CEACAM19: variants seen among roughly 807,000 people sequenced by gnomAD.
CEACAM19 encodes the protein CEA cell adhesion molecule 19.
CEACAM19 carries 37 observed loss-of-function variants against 37.6 expected under a neutral mutation model. The ratio of observed to expected loss-of-function variants is 0.98; its 90% CI spans 0.76 to 1.29. The LOEUF is 1.29. CEACAM19 is among the 50% of genes most tolerant of loss of function. CEACAM19 has a pLI of 0.00. For missense variants in CEACAM19, 340 were observed against 375.6 expected, an observed-to-expected ratio of 0.91 and a Z score of 0.78; for synonymous variants, 140 against 149.8, an observed-to-expected ratio of 0.93 and a Z score of 0.48.
At chr19:44,675,086 TC>T (rs1465275985) in intron 2 of CEACAM19, among the ~76,000 whole-genome samples, 1 of 143,070 alleles carries the variant, frequency 7.0e-6, no homozygotes, top group Non-Finnish European at 1.5e-5. Context: ...GTTGGATCAT[TC>T]AGAGAACAGC....
rs1973954705 is a variant in CEACAM19 at position 44,676,549 on chromosome 19, A to G, written c.575+128A>G. ...TCAAATCTTGGAACTCCTGGGGTGA[A>G]AAGAATCTTTCTATCCTGTATTAAA... On this transcript the variant is annotated intron_variant, in intron 3 of 7. Transcript: ENST00000358777. 7 of 887,530 alleles carry G rather than the reference A, an allele frequency of 7.9e-6. No individual in the cohort carries two copies. The East Asian group carries it at 1.8e-4, about 22-fold the overall frequency. The allele number at this position is 887,530 out of a possible 1,614,324, so 55.0% of individuals were successfully genotyped here. A position where few individuals can be genotyped will look rare whatever the true frequency, so the allele number is the denominator to read the frequency against.
upstream of CEACAM19, chr19:44,666,938 T>G (rs1338206187): frequency 6.6e-6 from 1 of 151,836 alleles, no homozygotes; most frequent in Non-Finnish European, 1.5e-5. Context: ...GAGGTGGTGA[T>G]GCTTATCCCC....
In CEACAM19 at chr19:44,672,781, A is replaced by G; in HGVS notation, c.241A>G (p.Ile81Val). The G allele has an allele frequency of 2.5e-6, 4 of 1,582,894 alleles. No individual in the cohort carries two copies. The highest frequency in any genetic ancestry group is 2.7e-5 in the African/African-American group (2 of 73,966). The change falls in exon 2 of 8, where the codon ATC becomes GTC. Residue 81 changes from isoleucine to valine, a missense_variant. Transcript: ENST00000358777. ...CGGAGGCACGAGGCTATTTACCTAC[A>G]TCCCTGGGATACAACGGCCTCAGAG... ...TYGGTRLFTY[I>V]PGIQRPQRDG...
Position 44,672,691 on chromosome 19 carries a change from C to A in CEACAM19, c.151C>A (p.Leu51Met), listed in dbSNP as rs1973876843. 1 of 1,565,218 alleles carries A rather than the reference C, an allele frequency of 6.4e-7. No homozygotes were observed. The highest frequency in any genetic ancestry group is 1.4e-5 in the African/African-American group (1 of 73,042). ...EQPQKNQDLL[L>M]SVQGVPDTFQ... ...GCCTCAAAAGAACCAGGACCTTCTC[C>A]TGTCAGTCCAGGGTGTCCCAGACAC... The change falls in exon 2 of 8, where the codon CTG (leucine) becomes ATG (methionine). Residue 51 changes from leucine (L) to methionine (M), a missense_variant. Physicochemically the swap from Leu to Met is conservative, Grantham distance 15 (BLOSUM62 2). Coordinates refer to ENST00000358777, the MANE Select transcript of CEACAM19 (RefSeq NM_001127893.3).
chr19:44,671,935 G>A lies in CEACAM19; in HGVS notation c.4G>A (p.Glu2Lys), dbSNP rs762253121. Residue 2 changes from glutamate (E) to lysine (K), a missense_variant, in exon 1 of 8, where the codon GAG becomes AAG. Transcript: ENST00000358777. Reference sequence around the variant, plus strand: ...GGCATTTCCACAAGACGCCAAGATGGAGATTCCCATGGGGACCCAGGGCTG... The same window carrying A: ...GGCATTTCCACAAGACGCCAAGATGAAGATTCCCATGGGGACCCAGGGCTG... The part of the protein sequence containing the change: M[E>K]IPMGTQGCFS... 4 of 1,605,598 alleles carry A rather than the reference G, an allele frequency of 2.5e-6. No individual in the cohort carries two copies. Among genetic ancestry groups the A allele is most frequent in the South Asian group, 2.2e-5 (2 of 89,560 alleles).
chr19:44,667,639 TAATATATATTATATAGATATATAAATATA>T, upstream of CEACAM19, among the ~76,000 whole-genome samples: 1 of 86,988 alleles, frequency 1.1e-5, no homozygotes, highest in Non-Finnish European at 2.2e-5. Context: ...TATAAATATA[TAATATATATTATATAGATATATAAATATA>T]AATATATATT....
At chr19:44,668,306 TTATA>T (rs1374750312), upstream of CEACAM19, among the ~76,000 whole-genome samples, 6 of 77,500 alleles carry the variant, frequency 7.7e-5, no homozygotes, top group South Asian at 4.3e-4. Context: ...TATAATATGT[TTATA>T]TATTATTATA....
intron 6 of CEACAM19, among the ~76,000 whole-genome samples, chr19:44,681,799 A>G (rs1026656122): frequency 6.6e-6 from 1 of 151,988 alleles, no homozygotes; most frequent in South Asian, 2.1e-4. Context: ...GTGTGATGGC[A>G]CATGCCTGTA....
At chr19:44,667,905 A>G (rs1397550981), upstream of CEACAM19, among the ~76,000 whole-genome samples, 10 of 73,842 alleles carry the variant, frequency 1.4e-4, no homozygotes, top group African/African-American at 6.5e-4. Flanking sequence ...TATAATATAT[A>G]AAATATATAT....
rs184170111 is a variant in CEACAM19, at chr19:44,678,600, G to A, written c.576-253G>A. 962 of 311,750 alleles carry A rather than the reference G, an allele frequency of 3.1e-3. 11 individuals carry two copies. The highest frequency in any genetic ancestry group is 0.02 in the African/African-American group (904 of 45,828). 19.3% of individuals were successfully genotyped at this position (311,750 alleles called of 1,614,324 possible). A position where few individuals can be genotyped will look rare whatever the true frequency, so the allele number is the denominator to read the frequency against. On this transcript the variant is annotated intron_variant, in intron 3 of 7. Coordinates refer to ENST00000358777, the MANE Select transcript of CEACAM19 (RefSeq NM_001127893.3). ...TAATTTTTGTATTTTTAGTAGAGAC[G>A]GGGTTTCACCATGTTGGCCAGGATG...
rs1973863486 is a variant in CEACAM19, at chr19:44,671,987, G to A, written c.55+1G>A. 1.9e-6 allele frequency: 3 copies of A among 1,602,346 alleles called. No individual in the cohort carries two copies. Among genetic ancestry groups the A allele is most frequent in the African/African-American group, 2.7e-5 (2 of 74,776 alleles). On this transcript the variant is annotated splice_donor_variant, in intron 1 of 7. Transcript: ENST00000358777. LOFTEE classifies it high-confidence loss of function. ...TTCTCAAAGAGCCTCCTGCTCTCAG[G>A]TAAGGAGGAAATAGACCCTAAAGGC...
At chr19:44,678,225 G>A (rs111708718) in intron 3 of CEACAM19, 4,493 of 151,568 alleles carry the variant, frequency 0.03, 234 homozygotes, top group African/African-American at 0.1. Context: ...GCCTTAAGCG[G>A]TCCTTCTGCC....
chr19:44,682,549 C>A lies in CEACAM19; in HGVS notation c.793-18C>A. The A allele has an allele frequency of 1.3e-6, 2 of 1,590,212 alleles. No individual in the cohort carries two copies. Among genetic ancestry groups the A allele is most frequent in the African/African-American group, 1.3e-5 (1 of 74,496 alleles). On this transcript the variant is annotated intron_variant, in intron 6 of 7. Transcript: ENST00000358777. The stretch of plus-strand genomic sequence containing the variant: ...GGGGGGTGCCGAGCGCCCACTCACC[C>A]GTGTCCTTCCCTTGCAGCCCCTGCC...
intron 3 of CEACAM19, among the ~76,000 whole-genome samples, chr19:44,677,116 T>A (rs1469285553): frequency 6.6e-6 from 1 of 152,100 alleles, no homozygotes; most frequent in Non-Finnish European, 1.5e-5. Flanking sequence ...GTTTAGCCAT[T>A]CCTAGCAAGG....
chr19:44,671,604 T>A lies in CEACAM19; in HGVS notation c.-328T>A. On this transcript the variant is annotated 5_prime_UTR_variant, in exon 1 of 8. The change creates a premature stop within an existing upstream ORF in the 5' untranslated region. Coordinates refer to ENST00000358777, the MANE Select transcript of CEACAM19 (RefSeq NM_001127893.3). ...AGGGGAATTGTTCAAACAGAGGCTG[T>A]TATGACTATTGCTACAGTGACTGCT... is the stretch of plus-strand genomic sequence containing the variant. 7.0e-6 allele frequency: 3 copies of A among 426,918 alleles called. No homozygotes were observed. Among genetic ancestry groups the A allele is most frequent in the Non-Finnish European group, 1.2e-5 (3 of 241,536 alleles). 26.4% of individuals were successfully genotyped at this position (426,918 alleles called of 1,614,324 possible).
Position 44,683,458 on chromosome 19 carries a change from G to A in CEACAM19, c.868G>A (p.Ala290Thr). ...QYQDLLNPDP[A>T]PYCQLVPTS ...GCAGGACCTGCTAAACCCCGACCCTGCCCCCTACTGCCAGCTGGTGCCAAC... is the reference window on the plus strand; with the variant it reads ...GCAGGACCTGCTAAACCCCGACCCTACCCCCTACTGCCAGCTGGTGCCAAC... The change falls in exon 8 of 8, where the codon GCC becomes ACC. Residue 290 changes from alanine (A) to threonine (T), a missense_variant. Physicochemically the swap from Ala to Thr is moderately conservative, Grantham distance 58. Transcript: ENST00000358777. 3 of 1,562,930 alleles carry A rather than the reference G, an allele frequency of 1.9e-6. No homozygotes were observed. The highest frequency in any genetic ancestry group is 2.6e-6 in the Non-Finnish European group (3 of 1,151,574).
At chr19:44,666,960 G>C (rs988517482), upstream of CEACAM19, 1 of 151,726 alleles carries the variant, frequency 6.6e-6, no homozygotes, top group Non-Finnish European at 1.5e-5. Context: ...TTCTCCAGGG[G>C]AGGAGGCTGA....
rs776630929 is a variant in CEACAM19 at position 44,678,924 on chromosome 19, C to T, written c.647C>T (p.Thr216Met). The change falls in exon 4 of 8, where the codon ACG (threonine) becomes ATG (methionine). Residue 216 changes from threonine to methionine, a missense_variant. By Grantham distance (81) the Thr-to-Met change is moderately conservative. Coordinates refer to ENST00000358777, the MANE Select transcript of CEACAM19 (RefSeq NM_001127893.3). ...GCTGTATCCCCAGTGCCTTCAGTGA[C>T]GCCCAGCACATGGTTGGTGCTTGTA... Reference protein sequence around the residue: ...CSAVSPVPSVTPSTWMATTEK... With the variant: ...CSAVSPVPSVMPSTWMATTEK... 58 of 1,613,980 alleles carry T rather than the reference C, an allele frequency of 3.6e-5. No homozygotes were observed. Among genetic ancestry groups the T allele is most frequent in the East Asian group, 2.2e-4 (10 of 44,874 alleles).
rs774229590 is a variant in CEACAM19, at chr19:44,676,257, C to G, written c.425-14C>G. On this transcript the variant is annotated splice_polypyrimidine_tract_variant and intron_variant, in intron 2 of 7. Transcript: ENST00000358777. ...CACAGTCCCCCCTCTCTCTTTCTTTCTCTCACCCCTCAGAAAAGAATAAGG... is the reference window on the plus strand; with the variant it reads ...CACAGTCCCCCCTCTCTCTTTCTTTGTCTCACCCCTCAGAAAAGAATAAGG... 6.2e-7 allele frequency: 1 copy of G among 1,613,006 alleles called. No individual in the cohort carries two copies. Among genetic ancestry groups the G allele is most frequent in the South Asian group, 1.1e-5 (1 of 91,008 alleles).
Sources: gnomAD v4.1 joint callset for allele counts (sites outside exome capture counted in the v4.1 genomes callset) on GRCh38, gnomAD v4.1.1 for gene constraint, MANE v1.5 for transcripts, NCBI Gene and HGNC (gene_info 2026-07-23, HGNC 2026-07-21) for gene names.